The following SND1 variants were observed in gnomAD, a reference collection of about 807,000 sequenced individuals.
SND1 encodes the protein staphylococcal nuclease and tudor domain containing 1.
SND1 carries 38 observed loss-of-function variants against 121.7 expected under a neutral mutation model. The observed-to-expected ratio is 0.31, with a 90% confidence interval of 0.24 to 0.41. SND1 has a LOEUF of 0.41. SND1 is among the 10% of genes least tolerant of loss of function. SND1 has a pLI of 1.00. For missense variants in SND1, 868 were observed against 1,184.6 expected (o/e 0.73, Z 3.92); for synonymous variants, 401 against 447.4 (o/e 0.90, Z 1.31).
chr7:127,742,502 T>G (rs965715134), intron 10 of SND1, among the ~76,000 whole-genome samples: 3 of 152,122 alleles, frequency 2.0e-5, no homozygotes, highest in African/African-American at 7.2e-5. Context: ...AATACTTTTT[T>G]TTTTCCTTTT....
At chr7:128,012,776 T>C (rs1241497592) in intron 16 of SND1, among the ~76,000 whole-genome samples, 2 of 152,170 alleles carry the variant, frequency 1.3e-5, no homozygotes, top group Non-Finnish European at 2.9e-5. Flanking sequence ...CTGAGCACCT[T>C]TTCATTCAGG....
rs180721118 is a variant in SND1 at position 127,766,603 on chromosome 7, G to A, written c.1153-40881G>A. On this transcript the variant is annotated intron_variant, in intron 10 of 23. Transcript: ENST00000354725. ...ATCCTGGCCAACGTGGTGAAACCCC[G>A]TCTCTACTAAAAATACAAAAAATTA... Among the ~76,000 whole-genome samples the A allele has an allele frequency of 7.1e-4, 108 of 151,514 alleles. No individual in the cohort carries two copies. In the Middle Eastern group the frequency reaches 0.01, roughly 14 times the overall value.
intron 1 of SND1, among the ~76,000 whole-genome samples, chr7:127,674,857 T>C (rs912264068): frequency 6.6e-6 from 1 of 152,246 alleles, no homozygotes; most frequent in Admixed American, 6.5e-5. Context: ...AATAAAGTAC[T>C]TTTAAAAATG....
At chr7:127,938,178 T>C (rs1394556449) in intron 15 of SND1, among the ~76,000 whole-genome samples, 1 of 152,214 alleles carries the variant, frequency 6.6e-6, no homozygotes, top group Non-Finnish European at 1.5e-5. Context: ...AAAGATATCA[T>C]TATAGGAATT....
intron 11 of SND1, among the ~76,000 whole-genome samples, chr7:127,827,796 A>G (rs958706613): frequency 2.6e-5 from 4 of 152,194 alleles, no homozygotes; most frequent in Non-Finnish European, 5.9e-5. Context: ...CAACATGCCT[A>G]TGCATCTTGG....
intron 16 of SND1, among the ~76,000 whole-genome samples, chr7:128,044,809 A>AT (rs1329039165): frequency 6.6e-6 from 1 of 152,108 alleles, no homozygotes. Flanking sequence ...GATAGTTCAT[A>AT]TGGAGTAGAA....
At chr7:127,944,479 G>A (rs1382891375) in intron 15 of SND1, among the ~76,000 whole-genome samples, 3 of 152,184 alleles carry the variant, frequency 2.0e-5, no homozygotes, top group Non-Finnish European at 4.4e-5. Flanking sequence ...GCCCCGTTGT[G>A]GAGGAGGGTG....
chr7:127,814,799 AGTTT>A (rs993405035), intron 11 of SND1, among the ~76,000 whole-genome samples: 2 of 152,126 alleles, frequency 1.3e-5, no homozygotes, highest in African/African-American at 2.4e-5. Flanking sequence ...GGGTATAAAC[AGTTT>A]GTTTGCGTGT....
intron 16 of SND1, among the ~76,000 whole-genome samples, chr7:127,996,787 A>T (rs1261786974): frequency 6.6e-6 from 1 of 152,166 alleles, no homozygotes; most frequent in African/African-American, 2.4e-5. Context: ...ACTGCCCAGG[A>T]AAAAGGGAAC....
At chr7:127,972,698 G>A (rs970176551) in intron 15 of SND1, among the ~76,000 whole-genome samples, 2 of 152,138 alleles carry the variant, frequency 1.3e-5, no homozygotes, top group African/African-American at 4.8e-5. Context: ...TCCTACCTCA[G>A]CCTCCCTAGT....
chr7:127,703,711 CA>C (rs200027530), intron 7 of SND1, among the ~76,000 whole-genome samples: 1 of 150,982 alleles, frequency 6.6e-6, no homozygotes, highest in Admixed American at 6.6e-5. Context: ...GACTCTGTCT[CA>C]AAAAAAAATT....
chr7:127,818,228 A>G (rs1389229638), intron 11 of SND1, among the ~76,000 whole-genome samples: 4 of 152,178 alleles, frequency 2.6e-5, no homozygotes, highest in East Asian at 3.9e-4. Flanking sequence ...TTGTTTTGCT[A>G]TGTGTGAATT....
At chr7:127,807,282 C>T (rs535594213) in intron 10 of SND1, among the ~76,000 whole-genome samples, 14 of 152,246 alleles carry the variant, frequency 9.2e-5, no homozygotes, top group Non-Finnish European at 1.9e-4. Context: ...TATTTGTGAG[C>T]CTGTTATGTG....
chr7:127,744,969 TAAAACTTCTG>T (rs1256860936), intron 10 of SND1, among the ~76,000 whole-genome samples: 1 of 152,260 alleles, frequency 6.6e-6, no homozygotes, highest in African/African-American at 2.4e-5. Context: ...GTTTCCCTTT[TAAAACTTCTG>T]TTACATTCAT....
chr7:127,783,335 T>C (rs757469727), intron 10 of SND1, among the ~76,000 whole-genome samples: 1 of 152,198 alleles, frequency 6.6e-6, no homozygotes, highest in Non-Finnish European at 1.5e-5. Flanking sequence ...TTTTTGCCCA[T>C]GGGGAACAGG....
chr7:127,926,572 T>G (rs929588823), intron 14 of SND1, among the ~76,000 whole-genome samples: 7 of 145,288 alleles, frequency 4.8e-5, no homozygotes, highest in Admixed American at 1.4e-4. Context: ...TTTTTTTTTT[T>G]GTCGGAGTCT....
chr7:128,053,256 C>T (rs1445959108), intron 16 of SND1, among the ~76,000 whole-genome samples: 1 of 152,232 alleles, frequency 6.6e-6, no homozygotes, highest in African/African-American at 2.4e-5. Flanking sequence ...TCTGTTTCCT[C>T]TTCCTAAAGC....
chr7:127,862,396 C>T (rs1799395253), intron 12 of SND1, among the ~76,000 whole-genome samples: 1 of 152,108 alleles, frequency 6.6e-6, no homozygotes, highest in Admixed American at 6.6e-5. Flanking sequence ...AGGACAATTC[C>T]CCATTTGCAG....
rs186732296 is a variant in SND1 at position 127,829,217 on chromosome 7, C to A, written c.1243-15107C>A. Among the ~76,000 whole-genome samples the A allele has an allele frequency of 8.6e-4, 131 of 152,208 alleles. 2 individuals carry two copies. The highest frequency in any genetic ancestry group is 3.1e-3 in the African/African-American group (128 of 41,538). ...AGCCTGTAGGGATCCTGCCCCCTGC[C>A]CCCTCCCCCACATAGTTTAGATCTG... On this transcript the variant is annotated intron_variant, in intron 11 of 23. Transcript: ENST00000354725.
Sources: allele counts gnomAD v4.1 joint callset (sites outside exome capture counted in the v4.1 genomes callset), GRCh38; gene constraint gnomAD v4.1.1; transcripts MANE v1.5; gene names NCBI Gene and HGNC (gene_info 2026-07-23, HGNC 2026-07-21).